Variants in TEP1 observed in about 807,000 individuals in gnomAD.
TEP1 encodes the protein telomerase associated protein 1.
A neutral mutation model predicts 306.3 loss-of-function variants in TEP1; 241 were observed. The ratio of observed to expected loss-of-function variants is 0.79; its 90% CI spans 0.71 to 0.88. The LOEUF is 0.88. TEP1 is among the 40% of genes least tolerant of loss of function. TEP1 has a pLI of 0.00. For synonymous variants in TEP1, 1,289 were observed against 1,305.5 expected, an observed-to-expected ratio of 0.99 and a Z score of 0.27; for missense variants, 3,051 against 3,276.1, an observed-to-expected ratio of 0.93 and a Z score of 1.68.
At position 20,395,856 on chromosome 14, in the gene TEP1, T is replaced by A; in HGVS notation, c.1750+3A>T. 1 of 1,613,082 alleles carries A rather than the reference T, an allele frequency of 6.2e-7. No individual in the cohort carries two copies. The highest frequency in any genetic ancestry group is 8.5e-7 in the Non-Finnish European group (1 of 1,179,312). On this transcript the variant is annotated splice_donor_region_variant and intron_variant, in intron 11 of 54. Coordinates refer to ENST00000262715, the MANE Select transcript of TEP1 (RefSeq NM_007110.5). ...AGAGGAGTTGGAAGAAAGGGGAGAA[T>A]ACCTTGATTTCTGAGTTGAGCCTCG...
Position 20,386,583 on chromosome 14 carries a change from C to G in TEP1, c.2725G>C (p.Asp909His). 6.2e-7 allele frequency: 1 copy of G among 1,607,378 alleles called. No homozygotes were observed. Among genetic ancestry groups the G allele is most frequent in the South Asian group, 1.1e-5 (1 of 90,710 alleles). Residue 909 changes from aspartate to histidine, a missense_variant, in exon 19 of 55, where the codon GAC becomes CAC. Physicochemically the swap from Asp to His is moderately conservative, Grantham distance 81. This residue lies in a region of TEP1 where 1,507 missense variants were observed against 1,550.5 expected (regional missense o/e 0.97). Coordinates refer to ENST00000262715, the MANE Select transcript of TEP1 (RefSeq NM_007110.5). ...IRLFISSTFR[D>H]MHGERDLLLR... ...AGCAGGTCCCGCTCCCCATGCATGT[C>G]TCGGAAAGTGGATGAAATGAAAAGC... is the stretch of plus-strand genomic sequence containing the variant.
Position 20,381,034 on chromosome 14 carries a change from C to T in TEP1, c.4659G>A (p.Gly1553=). The part of the protein sequence containing the change: ...GDLPYHLLQS[G]NRGLLSKFLT... The stretch of plus-strand genomic sequence containing the variant: ...GGAACTTCGAAAGAAGTCCACGGTT[C>T]CCGCTCTGGAGCTGAGAAGGTCAGA... The change falls in exon 33 of 55, where the codon GGG becomes GGA. Residue 1553 remains glycine, a synonymous_variant. Transcript: ENST00000262715. The surrounding 1 kb of genome is among the most constrained non-coding windows in gnomAD (Gnocchi z 4.0). 3 of 1,614,070 alleles carry T rather than the reference C, an allele frequency of 1.9e-6. No homozygotes were observed. Among genetic ancestry groups the T allele is most frequent in the Non-Finnish European group, 2.5e-6 (3 of 1,179,958 alleles).
chr14:20,371,747 T>C, intron 49 of TEP1, 115 bp from the exon 50 acceptor site: 1 of 1,251,742 alleles, frequency 8.0e-7, no homozygotes, highest in Middle Eastern at 2.5e-4. Flanking sequence ...ATGTATCACC[T>C]TCCCTGAAAA....
Position 20,378,165 on chromosome 14 carries a change from G to A in TEP1, c.5580C>T (p.Gly1860=). ...ACAGCTCCACCATACTGTCCAGCCG[G>A]CCCACAGCCACAACCCCCCCAGGCA... ...FNVPGGVVAV[G]RLDSMVELWA... The change falls in exon 39 of 55, where the codon GGC becomes GGT. Residue 1860 remains glycine (G), a synonymous_variant. Transcript: ENST00000262715. 1.2e-6 allele frequency: 2 copies of A among 1,613,824 alleles called. No homozygotes were observed. The highest frequency in any genetic ancestry group is 1.7e-6 in the Non-Finnish European group (2 of 1,180,024).
Position 20,372,741 on chromosome 14 carries a change from T to G in TEP1, c.7068A>C (p.Gly2356=). Residue 2356 remains glycine (G), a synonymous_variant, in exon 49 of 55, where the codon GGA becomes GGC. Coordinates refer to ENST00000262715, the MANE Select transcript of TEP1 (RefSeq NM_007110.5). ...QVKLRKGSAP[G]NLSLHLNRIL... is the part of the protein sequence containing the mutation. Reference sequence around the variant, plus strand: ...CCATCAGCCTGTTTCACCTCAAATTTCCGGGTGCCGAACCCTTCCGCAGTT... The same window carrying G: ...CCATCAGCCTGTTTCACCTCAAATTGCCGGGTGCCGAACCCTTCCGCAGTT... 1 of 1,614,112 alleles carries G rather than the reference T, an allele frequency of 6.2e-7. No individual in the cohort carries two copies. Among genetic ancestry groups the G allele is most frequent in the Middle Eastern group, 1.6e-4 (1 of 6,062 alleles).
Position 20,408,476 on chromosome 14 carries a change from A to T in TEP1, c.-24-13T>A, listed in dbSNP as rs751348235. The T allele has an allele frequency of 6.3e-7, 1 of 1,586,338 alleles. No homozygotes were observed. The highest frequency in any genetic ancestry group is 8.5e-7 in the Non-Finnish European group (1 of 1,169,734). On this transcript the variant is annotated splice_polypyrimidine_tract_variant and intron_variant, in intron 1 of 54. Coordinates refer to ENST00000262715, the MANE Select transcript of TEP1 (RefSeq NM_007110.5). ...AGCTTGTATATGCCTAGAAGGAGAG[A>T]AAGACAGGAGATGAGCACCTGGCTG...
rs140499790 is a variant in TEP1 at position 20,391,640 on chromosome 14, C to T, written c.2056G>A (p.Ala686Thr). The T allele has an allele frequency of 2.4e-5, 39 of 1,614,012 alleles. No homozygotes were observed. In the African/African-American group the frequency reaches 4.4e-4, roughly 18 times the overall value. Residue 686 changes from alanine (A) to threonine (T), a missense_variant, in exon 13 of 55, where the codon GCT (alanine) becomes ACT (threonine). Around this residue, in one of 3 missense-constraint regions of TEP1, gnomAD observed 1,507 missense variants for 1,550.5 expected, o/e 0.97. Transcript: ENST00000262715. ...GRTVLVYLTD[A>T]NADRLCPKSN... ...TTTGGACAGAGCCTGTCTGCATTAGCATCTGTCAGATAGACCAAGACAGTG... is the reference window on the plus strand; with the variant it reads ...TTTGGACAGAGCCTGTCTGCATTAGTATCTGTCAGATAGACCAAGACAGTG...
chr14:20,382,838 C>A, intron 27 of TEP1, 123 bp from the exon 28 acceptor site: 1 of 853,240 alleles, frequency 1.2e-6, no homozygotes, highest in South Asian at 1.5e-5. Flanking sequence ...ACGCCAGGTC[C>A]ATGGCATCAT....
In TEP1 at chr14:20,384,221, C is replaced by T. The variant is rs1472224192; in HGVS notation, c.3351G>A (p.Leu1117=). Residue 1117 remains leucine, a synonymous_variant, in exon 24 of 55, where the codon CTG becomes CTA. Transcript: ENST00000262715. Reference sequence around the variant, plus strand: ...CTGGGATGGACACTGGCTGCTCCAGCAGGGCCCCAGGCTGAGGGTAAATGG... The same window carrying T: ...CTGGGATGGACACTGGCTGCTCCAGTAGGGCCCCAGGCTGAGGGTAAATGG... ...IQKLYLQPGA[L]LEQPVSIPDD... is the part of the protein sequence containing the mutation. 9.3e-6 allele frequency: 15 copies of T among 1,613,520 alleles called. 1 individual carries two copies. The highest frequency in any genetic ancestry group is 1.2e-5 in the Non-Finnish European group (14 of 1,179,746).
chr14:20,404,581 G>T, intron 5 of TEP1, 30 bp downstream of exon 5: 1 of 1,594,192 alleles, frequency 6.3e-7, no homozygotes, highest in Middle Eastern at 1.7e-4. Context: ...ATGAAGTGAA[G>T]GCCCAAGCTC....
rs1459241116 is a variant in TEP1 at position 20,401,458 on chromosome 14, T to C, written c.1390A>G (p.Arg464Gly). The change falls in exon 8 of 55, where the codon AGA (arginine) becomes GGA (glycine). Residue 464 changes from arginine to glycine, a missense_variant and splice_region_variant. Physicochemically the swap from Arg to Gly is moderately radical, Grantham distance 125. Transcript: ENST00000262715. ...AQHVQALLGY[R>G]YPSNLQLFSR... ...CATGCTCAGGGTGCAGCTTCTCACC[T>C]GTAACCCAGCAGGGCTTGAACGTGC... The C allele has an allele frequency of 6.2e-7, 1 of 1,614,068 alleles. No individual in the cohort carries two copies. The highest frequency in any genetic ancestry group is 1.7e-5 in the Admixed American group (1 of 59,980).
At chr14:20,395,992 G>A (rs770312455) in intron 10 of TEP1, 43 bp from the exon 11 acceptor site, 6 of 1,514,648 alleles carry the variant, frequency 4.0e-6, no homozygotes, top group Non-Finnish European at 5.5e-6. Context: ...CAGGAGCCGG[G>A]AGTATGGGGG....
At position 20,406,542 on chromosome 14, in the gene TEP1, C is replaced by T. The variant is rs189904831; in HGVS notation, c.568-142G>A. ...TCTAATGTTCTCTCCCTTCACACAC[C>T]AGCACTGATGTGTCCTGTCTGACTT... is the stretch of plus-strand genomic sequence containing the variant. On this transcript the variant is annotated intron_variant, in intron 2 of 54. Transcript: ENST00000262715. 5.4e-5 allele frequency: 46 copies of T among 845,892 alleles called. 1 individual carries two copies. Among genetic ancestry groups the T allele is most frequent in the East Asian group, 3.2e-4 (13 of 40,656 alleles). 52.4% of individuals were successfully genotyped at this position (845,892 alleles called of 1,614,324 possible). A position where few individuals can be genotyped will look rare whatever the true frequency, so the allele number is the denominator to read the frequency against.
chr14:20,393,233 G>GA (rs1389251106), intron 12 of TEP1, among the ~76,000 whole-genome samples: 1 of 150,776 alleles, frequency 6.6e-6, no homozygotes, highest in African/African-American at 2.4e-5. Context: ...AAAAAGAGAA[G>GA]AAAAAAAAGA....
In TEP1 at chr14:20,401,189, A is replaced by G. The variant is rs756909135; in HGVS notation, c.1392-48T>C. 3 of 1,598,226 alleles carry G rather than the reference A, an allele frequency of 1.9e-6. No homozygotes were observed. In the East Asian group the frequency reaches 6.7e-5, roughly 36 times the overall value. ...TCTATCATTTCAGAGTCAGCAAGAA[A>G]ATAACTCAGAAAAGGAAAGGTGAGT... On this transcript the variant is annotated intron_variant, in intron 8 of 54. Transcript: ENST00000262715.
rs749735851 is a variant in TEP1 at position 20,378,177 on chromosome 14, A to G, written c.5568T>C (p.Val1856=). 6.2e-6 allele frequency: 10 copies of G among 1,613,804 alleles called. No homozygotes were observed. The South Asian group carries it at 1.1e-4, about 18-fold the overall frequency. ...RTLAFNVPGG[V]VAVGRLDSMV... ...TACTGTCCAGCCGGCCCACAGCCACAACCCCCCCAGGCACATTGAAGGCCA... is the reference window on the plus strand; with the variant it reads ...TACTGTCCAGCCGGCCCACAGCCACGACCCCCCCAGGCACATTGAAGGCCA... Residue 1856 remains valine, a synonymous_variant, in exon 39 of 55, where the codon GTT becomes GTC. Coordinates refer to ENST00000262715, the MANE Select transcript of TEP1 (RefSeq NM_007110.5).
rs749880807 is a variant in TEP1, at chr14:20,381,349, G to C, written c.4611C>G (p.Cys1537Trp). 1.9e-6 allele frequency: 3 copies of C among 1,614,186 alleles called. No individual in the cohort carries two copies. In the East Asian group the frequency reaches 6.7e-5, roughly 36 times the overall value. ...DADASGTFRS[C>W]PPEALGDLPY... ...GCAGGTCTCCCAGAGCCTCAGGAGG[G>C]CAACTTCGGAAGGTGCCTGAGGCAT... is the stretch of plus-strand genomic sequence containing the variant. Residue 1537 changes from cysteine to tryptophan, a missense_variant, in exon 32 of 55, where the codon TGC becomes TGG. This residue lies in a region of TEP1 where 1,540 missense variants were observed against 1,705.9 expected (regional missense o/e 0.90). Coordinates refer to ENST00000262715, the MANE Select transcript of TEP1 (RefSeq NM_007110.5). This position sits in a 1 kb window ranked among gnomAD's most constrained non-coding sequence, Gnocchi z 4.0.
intron 18 of TEP1, among the ~76,000 whole-genome samples, chr14:20,387,185 C>T (rs1284324290): frequency 1.3e-5 from 2 of 150,314 alleles, no homozygotes; most frequent in Non-Finnish European, 1.5e-5. Context: ...CTGCCCGCCT[C>T]GACCTCCCAA....
In TEP1 at chr14:20,383,790, A is replaced by G; in HGVS notation, c.3663T>C (p.Tyr1221=). The G allele has an allele frequency of 6.2e-7, 1 of 1,611,228 alleles. No homozygotes were observed. The highest frequency in any genetic ancestry group is 1.1e-5 in the South Asian group (1 of 90,578). ...ALTLLRRLCT[Y]LRGQLKEPGA... ...CTGGCTCTTTTAGTTGGCCACGCAG[A>G]TAGGTACAGAGGCGTCTGAGCAGAG... The change falls in exon 25 of 55, where the codon TAT becomes TAC. Residue 1221 remains tyrosine (Y), a synonymous_variant. Transcript: ENST00000262715.
Sources: allele counts gnomAD v4.1 joint callset (sites outside exome capture counted in the v4.1 genomes callset), GRCh38; gene constraint gnomAD v4.1.1; regional missense constraint gnomAD v4.1.1; non-coding constraint Gnocchi (gnomAD v3.1); transcripts MANE v1.5; gene names NCBI Gene and HGNC (gene_info 2026-07-23, HGNC 2026-07-21).